HSF2BP: variants seen among roughly 807,000 people sequenced by gnomAD.
HSF2BP encodes heat shock factor 2-binding protein.
In HSF2BP, 35 loss-of-function variants were observed where a neutral mutation model predicts 35.0. The ratio of observed to expected loss-of-function variants is 1.00; its 90% confidence interval spans 0.76 to 1.32. The LOEUF (loss-of-function observed/expected upper bound fraction) is 1.32, where lower values mean the gene tolerates loss of function less well. Ranked by LOEUF, HSF2BP falls within the 40% of genes most tolerant of loss-of-function variation. The pLI is 0.00. For synonymous variants in HSF2BP, 114 were observed against 117.4 expected, an observed-to-expected ratio of 0.97 and a Z score of 0.18; for missense variants, 326 against 321.7, an observed-to-expected ratio of 1.01 and a Z score of -0.10.
chr21:43,649,785 TTTA>T (rs1267364366), intron 3 of HSF2BP, among the ~76,000 whole-genome samples: 7 of 152,228 alleles, frequency 4.6e-5, no homozygotes, highest in Admixed American at 6.5e-5. Flanking sequence ...GAATGGCTTT[TTTA>T]TTATTTCTCT....
At chr21:43,591,028 T>C (rs1311693110) in intron 8 of HSF2BP, among the ~76,000 whole-genome samples, 2 of 152,212 alleles carry the variant, frequency 1.3e-5, no homozygotes, top group African/African-American at 4.8e-5. Flanking sequence ...TAAAGCTATT[T>C]TTTAAAAAAG....
the HSF2BP span, chr21:43,467,354 G>A: frequency 2.4e-5 from 1 of 41,318 alleles, no homozygotes; most frequent in East Asian, 5.3e-4. Flanking sequence ...GGCCTAGGAC[G>A]CTAGAGGGGT....
intron 6 of HSF2BP, among the ~76,000 whole-genome samples, chr21:43,624,831 C>T (rs547602558): frequency 1.9e-4 from 28 of 151,134 alleles, no homozygotes; most frequent in African/African-American, 5.9e-4. Flanking sequence ...TGAAGATTTC[C>T]GTCTCTTTCA....
chr21:43,611,550 C>T (rs1461916271), intron 7 of HSF2BP, among the ~76,000 whole-genome samples: 1 of 152,182 alleles, frequency 6.6e-6, no homozygotes, highest in Non-Finnish European at 1.5e-5. Context: ...TGTCCCTGGC[C>T]TGGACTCGAG....
Position 43,599,187 on chromosome 21 carries a change from T to C in HSF2BP, c.693-6859A>G, listed in dbSNP as rs143311094. On this transcript the variant is annotated intron_variant, in intron 7 of 8. Coordinates refer to ENST00000291560, the MANE Select transcript of HSF2BP (RefSeq NM_007031.2). ...AACAACTCCCAAGTTGGCAGATGTC[T>C]TTAAATTTTCATATTTGGTCAAAAT... is the stretch of plus-strand genomic sequence containing the variant. Among the ~76,000 whole-genome samples, 512 of 152,348 alleles carry C rather than the reference T, an allele frequency of 3.4e-3. 7 individuals are homozygous for C. Among genetic ancestry groups the C allele is most frequent in the African/African-American group, 0.012 (481 of 41,572 alleles).
At chr21:43,622,038 T>C (rs938819582) in intron 6 of HSF2BP, among the ~76,000 whole-genome samples, 1 of 152,164 alleles carries the variant, frequency 6.6e-6, no homozygotes, top group African/African-American at 2.4e-5. Flanking sequence ...AGTTAAAGTA[T>C]AGGGGTATTT....
At chr21:43,651,374 C>T (rs2082783906) in intron 3 of HSF2BP, among the ~76,000 whole-genome samples, 1 of 152,156 alleles carries the variant, frequency 6.6e-6, no homozygotes, top group Admixed American at 6.5e-5. Flanking sequence ...GACACTTTGT[C>T]CTGACTTAAC....
At chr21:43,601,960 A>G (rs1051703346) in intron 7 of HSF2BP, among the ~76,000 whole-genome samples, 1 of 152,222 alleles carries the variant, frequency 6.6e-6, no homozygotes, top group Non-Finnish European at 1.5e-5. Context: ...TCATGTCTGA[A>G]GATTTCTTTT....
intron 8 of HSF2BP, among the ~76,000 whole-genome samples, chr21:43,584,710 C>T (rs2081823721): frequency 6.6e-6 from 1 of 152,214 alleles, no homozygotes; most frequent in African/African-American, 2.4e-5. Context: ...CCCCACTACA[C>T]TCAATGCCAA....
chr21:43,653,359 A>G (rs2082822644), intron 3 of HSF2BP, among the ~76,000 whole-genome samples: 1 of 152,268 alleles, frequency 6.6e-6, no homozygotes, highest in African/African-American at 2.4e-5. Context: ...CCAGGGAGAT[A>G]ATGACAGACA....
At chr21:43,634,154 AAG>A (rs1460012336) in intron 4 of HSF2BP, among the ~76,000 whole-genome samples, 1 of 152,174 alleles carries the variant, frequency 6.6e-6, no homozygotes, top group Non-Finnish European at 1.5e-5. Flanking sequence ...GGAGGCTAGG[AAG>A]AGTTTCCTAC....
rs1474608204 is a variant in HSF2BP, at chr21:43,597,506, A to C, written c.693-5178T>G. On this transcript the variant is annotated intron_variant, in intron 7 of 8. Coordinates refer to ENST00000291560, the MANE Select transcript of HSF2BP (RefSeq NM_007031.2). The surrounding 1 kb of genome is among the most constrained non-coding windows in gnomAD (Gnocchi z 4.3). Reference sequence around the variant, plus strand: ...AAAATATATTAAAAATGCCCTAATAAGCAAAACTTTAATTTTTTACTTTTT... The same window carrying C: ...AAAATATATTAAAAATGCCCTAATACGCAAAACTTTAATTTTTTACTTTTT... Among the ~76,000 whole-genome samples, 4 of 152,174 alleles carry C rather than the reference A, an allele frequency of 2.6e-5. No homozygotes were observed. Among genetic ancestry groups the C allele is most frequent in the Non-Finnish European group, 4.4e-5 (3 of 68,026 alleles).
intron 4 of HSF2BP, among the ~76,000 whole-genome samples, chr21:43,642,481 G>C (rs1392676296): frequency 1.3e-5 from 2 of 152,152 alleles, no homozygotes; most frequent in Non-Finnish European, 2.9e-5. Flanking sequence ...AAATGGCCTT[G>C]TTACAGCAAC....
At chr21:43,603,607 G>T (rs1403936727) in intron 7 of HSF2BP, among the ~76,000 whole-genome samples, 2 of 152,286 alleles carry the variant, frequency 1.3e-5, no homozygotes, top group East Asian at 3.9e-4. Context: ...TACCCATGAG[G>T]TATGGCTAAG....
intron 6 of HSF2BP, among the ~76,000 whole-genome samples, chr21:43,618,559 T>C (rs780700744): frequency 2.2e-4 from 34 of 152,040 alleles, no homozygotes; most frequent in Non-Finnish European, 3.1e-4. Flanking sequence ...CAACTGGATA[T>C]CCACATGCAA....
chr21:43,468,028 ACACAC>A, the HSF2BP span, among the ~76,000 whole-genome samples: 1 of 126,048 alleles, frequency 7.9e-6, no homozygotes, highest in African/African-American at 3.1e-5. Flanking sequence ...TACACACAGC[ACACAC>A]CACACCACAC....
At chr21:43,600,842 T>C (rs1381455857) in intron 7 of HSF2BP, among the ~76,000 whole-genome samples, 1 of 152,190 alleles carries the variant, frequency 6.6e-6, no homozygotes, top group Non-Finnish European at 1.5e-5. Flanking sequence ...CACAGCTATG[T>C]CTGATATTTA....
intron 8 of HSF2BP, among the ~76,000 whole-genome samples, chr21:43,582,253 G>A: frequency 7.0e-6 from 1 of 142,364 alleles, no homozygotes; most frequent in African/African-American, 2.8e-5. Flanking sequence ...TGCTGAGGGA[G>A]ATGAGTGCCT....
chr21:43,487,669 C>A, the HSF2BP span, among the ~76,000 whole-genome samples: 3 of 564 alleles, frequency 5.3e-3, 1 homozygote, highest in African/African-American at 0.015. Flanking sequence ...ACCATCTGTG[C>A]AAACATCTAC....
Sources: gnomAD v4.1 joint callset for allele counts (sites outside exome capture counted in the v4.1 genomes callset) on GRCh38, gnomAD v4.1.1 for gene constraint, Gnocchi (gnomAD v3.1) non-coding constraint, MANE v1.5 for transcripts, NCBI Gene and HGNC (gene_info 2026-07-23, HGNC 2026-07-21) for gene names.